Variants in THADA observed in about 807,000 individuals in gnomAD.
THADA encodes the protein tRNA (32-2'-O)-methyltransferase regulator THADA.
A neutral mutation model predicts 219.8 loss-of-function variants in THADA; 213 were observed. The observed-to-expected ratio is 0.97, with a 90% CI of 0.87 to 1.09. The LOEUF is 1.09. Ranked by LOEUF, THADA falls within the 50% of genes least tolerant of loss-of-function variation. The probability of loss-of-function intolerance (pLI) is 0.00; values close to 1 mark genes in which losing one functional copy is unlikely to be tolerated. For missense variants in THADA, 2,956 were observed against 2,311.3 expected (o/e 1.28, Z -5.72); for synonymous variants, 1,018 against 828.9 (o/e 1.23, Z -3.92).
At chr2:43,556,735 G>A (rs1392121110) in intron 16 of THADA, among the ~76,000 whole-genome samples, 180 bp from the exon 17 acceptor site, 2 of 152,058 alleles carry the variant, frequency 1.3e-5, no homozygotes, top group African/African-American at 4.8e-5. Flanking sequence ...GATCAGCCAA[G>A]ACAACATAGT....
intron 37 of THADA, among the ~76,000 whole-genome samples, chr2:43,231,861 G>A (rs757605335): frequency 4.2e-4 from 64 of 152,144 alleles, no homozygotes; most frequent in African/African-American, 1.4e-3. Flanking sequence ...GGGACAATGC[G>A]TTTTGAACCC....
chr2:43,499,158 T>C (rs1005818813), intron 24 of THADA, among the ~76,000 whole-genome samples: 4 of 152,104 alleles, frequency 2.6e-5, no homozygotes, highest in South Asian at 4.1e-4. Context: ...ATTCAAACAA[T>C]GCTATAAAAA....
intron 30 of THADA, among the ~76,000 whole-genome samples, chr2:43,340,150 T>C (rs1272174736): frequency 6.6e-6 from 1 of 152,142 alleles, no homozygotes; most frequent in Non-Finnish European, 1.5e-5. Context: ...GTAAACTGGA[T>C]CAAGAAGGGA....
intron 28 of THADA, among the ~76,000 whole-genome samples, chr2:43,421,662 C>A (rs868142239): frequency 5.3e-5 from 8 of 152,092 alleles, no homozygotes; most frequent in African/African-American, 1.9e-4. Flanking sequence ...CTTAAGCCAA[C>A]ATCTGGAATG....
intron 29 of THADA, among the ~76,000 whole-genome samples, chr2:43,364,306 C>A (rs1669875598): frequency 6.6e-6 from 1 of 152,186 alleles, no homozygotes; most frequent in Non-Finnish European, 1.5e-5. Context: ...GCCAGCACTG[C>A]TATTAAAATT....
chr2:43,549,107 C>G, intron 20 of THADA, 103 bp downstream of exon 20: 1 of 1,057,532 alleles, frequency 9.5e-7, no homozygotes, highest in Non-Finnish European at 1.3e-6. Context: ...TAGAAATGTT[C>G]TGCACAGATT....
chr2:43,444,357 A>G (rs1681250013), intron 26 of THADA, among the ~76,000 whole-genome samples: 1 of 152,130 alleles, frequency 6.6e-6, no homozygotes, highest in Admixed American at 6.5e-5. Flanking sequence ...ATTCCTCCGG[A>G]GCACTAACCT....
chr2:43,485,088 C>T, intron 26 of THADA, 146 bp downstream of exon 26: 1 of 542,710 alleles, frequency 1.8e-6, no homozygotes, highest in South Asian at 3.4e-5. Flanking sequence ...TATAACTTGG[C>T]AGCATAGGTT....
intron 31 of THADA, among the ~76,000 whole-genome samples, chr2:43,301,250 T>C (rs1025109641): frequency 1.3e-5 from 2 of 152,166 alleles, no homozygotes; most frequent in African/African-American, 4.8e-5. Context: ...GACTTCACAG[T>C]AGTGAAGAAC....
At chr2:43,472,058 A>G (rs937798145) in intron 26 of THADA, among the ~76,000 whole-genome samples, 4 of 152,190 alleles carry the variant, frequency 2.6e-5, no homozygotes, top group Non-Finnish European at 5.9e-5. Flanking sequence ...GCCCTGAAAA[A>G]CCGTTAAACT....
intron 31 of THADA, among the ~76,000 whole-genome samples, chr2:43,309,298 A>C (rs1377733559): frequency 6.6e-6 from 1 of 152,248 alleles, no homozygotes; most frequent in African/African-American, 2.4e-5. Flanking sequence ...TTGTAACATT[A>C]AACAATCCTT....
intron 35 of THADA, among the ~76,000 whole-genome samples, chr2:43,284,372 G>T (rs1428568759): frequency 1.3e-5 from 2 of 152,182 alleles, no homozygotes; most frequent in Non-Finnish European, 2.9e-5. Flanking sequence ...TGTCCCAGCT[G>T]CTCTAGCTCC....
At position 43,428,113 on chromosome 2, in the gene THADA, G is replaced by C. The variant is rs775445499; in HGVS notation, c.4045C>G (p.Pro1349Ala). The change falls in exon 28 of 38, where the codon CCC (proline) becomes GCC (alanine). Residue 1349 changes from proline (P) to alanine (A), a missense_variant. Physicochemically the swap from Pro to Ala is conservative, Grantham distance 27. Coordinates refer to ENST00000405975, the MANE Select transcript of THADA (RefSeq NM_022065.5). ...GCATGACACTACCTCATAATGAAGG[G>C]AACAAAAGGTCCCATGCTGAGAGCA... ...SSALSMGPFV[P>A]FIMRCGHSPV... is the part of the protein sequence containing the mutation. The C allele has an allele frequency of 6.2e-7, 1 of 1,609,158 alleles. No homozygotes were observed. Among genetic ancestry groups the C allele is most frequent in the South Asian group, 1.1e-5 (1 of 90,796 alleles).
At chr2:43,460,464 C>A (rs1414636425) in intron 26 of THADA, among the ~76,000 whole-genome samples, 1 of 151,928 alleles carries the variant, frequency 6.6e-6, no homozygotes, top group Admixed American at 6.6e-5. Flanking sequence ...AGTTGAAAAG[C>A]CAAAAAATAA....
At chr2:43,450,094 T>A (rs939652359) in intron 26 of THADA, among the ~76,000 whole-genome samples, 7 of 151,974 alleles carry the variant, frequency 4.6e-5, no homozygotes, top group African/African-American at 1.7e-4. Flanking sequence ...AAAATAAAGA[T>A]CTCAGTAAAG....
At position 43,422,878 on chromosome 2, in the gene THADA, T is replaced by C. The variant is rs1677898547; in HGVS notation, c.4058+5222A>G. On this transcript the variant is annotated intron_variant, in intron 28 of 37. Transcript: ENST00000405975. ...GGGACTACAGGCGCAAATCACCAAGTCTGGCTAATTTTTAAAATTTTTTGT... is the reference window on the plus strand; with the variant it reads ...GGGACTACAGGCGCAAATCACCAAGCCTGGCTAATTTTTAAAATTTTTTGT... Among the ~76,000 whole-genome samples, 3 of 152,012 alleles carry C rather than the reference T, an allele frequency of 2.0e-5. No individual in the cohort carries two copies. In the South Asian group the frequency reaches 6.2e-4, roughly 32 times the overall value.
rs59031807 is a variant in THADA, at chr2:43,593,415, T to C, written c.-24-999A>G. Among the ~76,000 whole-genome samples the C allele has an allele frequency of 1.1e-4, 16 of 152,190 alleles. No individual in the cohort carries two copies. The East Asian group carries it at 3.1e-3, about 29-fold the overall frequency. On this transcript the variant is annotated intron_variant, in intron 1 of 37. Coordinates refer to ENST00000405975, the MANE Select transcript of THADA (RefSeq NM_022065.5). ...TTATTCAAACAGGCCAGGTGACATG[T>C]AGAGCATTAGGTACAGCGCTGGCGG...
rs897711903 is a variant in THADA at position 43,279,707 on chromosome 2, G to C, written c.5296+58C>G. Reference sequence around the variant, plus strand: ...ATACTATCTGGCTCATTATAGAAAAGTGTTCCAACCTCTATCCTGCAGCGA... The same window carrying C: ...ATACTATCTGGCTCATTATAGAAAACTGTTCCAACCTCTATCCTGCAGCGA... On this transcript the variant is annotated intron_variant, in intron 36 of 37. Transcript: ENST00000405975. 9 of 1,501,792 alleles carry C rather than the reference G, an allele frequency of 6.0e-6. No homozygotes were observed. In the African/African-American group the frequency reaches 1.3e-4, roughly 21 times the overall value. The allele number at this position is 1,501,792 out of a possible 1,614,324, so 93.0% of individuals were successfully genotyped here.
intron 31 of THADA, among the ~76,000 whole-genome samples, chr2:43,308,830 T>C (rs1045585508): frequency 7.0e-6 from 1 of 143,096 alleles, no homozygotes; most frequent in African/African-American, 2.6e-5. Flanking sequence ...TAACGTGAGA[T>C]AGACTACAGA....
Sources: gnomAD v4.1 joint callset for allele counts (sites outside exome capture counted in the v4.1 genomes callset) on GRCh38, gnomAD v4.1.1 for gene constraint, MANE v1.5 for transcripts, NCBI Gene and HGNC (gene_info 2026-07-23, HGNC 2026-07-21) for gene names.